The following CD226 variants were observed in gnomAD, a reference collection of about 807,000 sequenced individuals.
The protein encoded by CD226 is CD226 antigen.
Under a neutral mutation model 34.9 loss-of-function variants are expected in CD226, and 24 were observed. The observed-to-expected ratio is 0.69, with a 90% CI of 0.50 to 0.97. CD226 has a LOEUF of 0.97. Ranked by LOEUF, CD226 falls within the 50% of genes least tolerant of loss-of-function variation. The pLI, the probability that CD226 is intolerant of heterozygous loss-of-function variation, is 0.00. For missense variants in CD226, 397 were observed against 412.7 expected (o/e 0.96, Z 0.33); for synonymous variants, 148 against 147.4 (o/e 1.00, Z -0.03).
intron 4 of CD226, among the ~76,000 whole-genome samples, chr18:69,869,276 G>A (rs1983353405): frequency 6.6e-6 from 1 of 152,164 alleles, no homozygotes; most frequent in African/African-American, 2.4e-5. Flanking sequence ...ATGATAGACT[G>A]GATAAAGAAA....
At chr18:69,950,034 GCACA>G (rs1403428067), upstream of CD226, among the ~76,000 whole-genome samples, 27 of 151,106 alleles carry the variant, frequency 1.8e-4, no homozygotes, top group Non-Finnish European at 1.3e-4. Flanking sequence ...ACATGCAGGT[GCACA>G]CATACTCTCA....
upstream of CD226, among the ~76,000 whole-genome samples, chr18:69,948,454 T>C (rs2055818565): frequency 6.6e-6 from 1 of 152,162 alleles, no homozygotes; most frequent in Non-Finnish European, 1.5e-5. Context: ...CTGAAGACAA[T>C]TTTATCTAAT....
chr18:69,868,805 A>G (rs1415589585), intron 4 of CD226, among the ~76,000 whole-genome samples: 6 of 139,336 alleles, frequency 4.3e-5, no homozygotes, highest in African/African-American at 1.4e-4. Context: ...GCGTGCACGC[A>G]CACACACACA....
chr18:69,918,682 T>C (rs2055415312), intron 2 of CD226, among the ~76,000 whole-genome samples: 1 of 152,126 alleles, frequency 6.6e-6, no homozygotes, highest in Non-Finnish European at 1.5e-5. Context: ...ATGTTTACAA[T>C]GTAAAATGCA....
rs1982972816 is a variant in CD226 at position 69,863,967 on chromosome 18, C to G, written c.*347G>C. 1 of 170,490 alleles carries G rather than the reference C, an allele frequency of 5.9e-6. No individual in the cohort carries two copies. The highest frequency in any genetic ancestry group is 2.4e-5 in the African/African-American group (1 of 42,032). 10.6% of individuals were successfully genotyped at this position (170,490 alleles called of 1,614,324 possible). A position where few individuals can be genotyped will look rare whatever the true frequency, so the allele number is the denominator to read the frequency against. On this transcript the variant is annotated 3_prime_UTR_variant, in exon 6 of 6. Coordinates refer to ENST00000582621, the MANE Select transcript of CD226 (RefSeq NM_001303618.2). Reference sequence around the variant, plus strand: ...TGAGGCCAAGACCAGGGAAATGGATCCAACACTCTGGAAAGGGATTCAGAA... The same window carrying G: ...TGAGGCCAAGACCAGGGAAATGGATGCAACACTCTGGAAAGGGATTCAGAA...
chr18:69,932,113 A>T (rs958638229), intron 2 of CD226, among the ~76,000 whole-genome samples: 2 of 152,146 alleles, frequency 1.3e-5, no homozygotes, highest in African/African-American at 4.8e-5. Flanking sequence ...TCATTTCCAA[A>T]TAGTCACCTT....
rs556893378 is a variant in CD226 at position 69,896,493 on chromosome 18, T to G, written c.383-448A>C. On this transcript the variant is annotated intron_variant, in intron 2 of 5. Transcript: ENST00000582621. ...ACCGCACCCAGTTGTGAATGACACA[T>G]TCTTGTAAGAGAAAGGGTTTTTTTT... 7.9e-5 allele frequency among the ~76,000 whole-genome samples: 12 copies of G among 152,348 alleles called. No individual in the cohort carries two copies. In the South Asian group the frequency reaches 2.5e-3, roughly 32 times the overall value.
chr18:69,923,906 A>G (rs1007074077), intron 2 of CD226, among the ~76,000 whole-genome samples: 1 of 151,556 alleles, frequency 6.6e-6, no homozygotes, highest in Non-Finnish European at 1.5e-5. Context: ...GTGAGCCGAG[A>G]TCGCGCCACT....
At chr18:69,915,916 A>G (rs1181118233) in intron 2 of CD226, among the ~76,000 whole-genome samples, 1 of 152,206 alleles carries the variant, frequency 6.6e-6, no homozygotes, top group Non-Finnish European at 1.5e-5. Context: ...TCAGAATCAA[A>G]TCACAGGATG....
intron 2 of CD226, among the ~76,000 whole-genome samples, chr18:69,907,344 T>C (rs1416145916): frequency 6.6e-6 from 1 of 152,086 alleles, no homozygotes; most frequent in Non-Finnish European, 1.5e-5. Flanking sequence ...TCAGATGGAG[T>C]CCCACTCTGT....
intron 2 of CD226, among the ~76,000 whole-genome samples, chr18:69,902,605 C>G (rs1186147486): frequency 6.6e-6 from 1 of 151,438 alleles, no homozygotes; most frequent in Non-Finnish European, 1.5e-5. Flanking sequence ...GTCCACTGCC[C>G]TTCCCTGTCT....
chr18:69,905,063 T>C lies in CD226; in HGVS notation c.383-9018A>G, dbSNP rs567037839. ...CCAGCATTAAATGCATTACCTAAGC[T>C]AGTGCATTTAGTCCCCACAAATAAG... is the stretch of plus-strand genomic sequence containing the variant. On this transcript the variant is annotated intron_variant, in intron 2 of 5. Transcript: ENST00000582621. Among the ~76,000 whole-genome samples the C allele has an allele frequency of 3.9e-5, 6 of 152,322 alleles. No homozygotes were observed. The South Asian group carries it at 1.2e-3, about 32-fold the overall frequency.
intron 1 of CD226, among the ~76,000 whole-genome samples, chr18:69,953,747 C>G (rs2055873185): frequency 6.6e-6 from 1 of 152,114 alleles, no homozygotes; most frequent in Admixed American, 6.5e-5. Context: ...CACCTGTAAT[C>G]CCAGTACTTT....
At position 69,895,822 on chromosome 18, in the gene CD226, TC is replaced by T; in HGVS notation, c.605del (p.Gly202GlufsTer34). ...PRQIVSNCSHGRWSVIVIPDV... is the reference protein window; with the variant it reads ...PRQIVSNCSHXRWSVIVIPDV... ...CGGGGATGACGATGACGCTCCACCTTCCGTGGCTGCAGTTGCTCACTATTTG... is the reference window on the plus strand; with the variant it reads ...CGGGGATGACGATGACGCTCCACCTTCGTGGCTGCAGTTGCTCACTATTTG... On this transcript the variant is annotated frameshift_variant, in exon 3 of 6. Coordinates refer to ENST00000582621, the MANE Select transcript of CD226 (RefSeq NM_001303618.2). LOFTEE classifies it high-confidence loss of function. The T allele has an allele frequency of 6.2e-7, 1 of 1,614,146 alleles. No homozygotes were observed. Among genetic ancestry groups the T allele is most frequent in the South Asian group, 1.1e-5 (1 of 91,082 alleles).
chr18:69,858,364 G>A lies in CD226; in HGVS notation c.*5950C>T, dbSNP rs184543873. The A allele has an allele frequency of 7.2e-5, 11 of 152,332 alleles. No individual in the cohort carries two copies. Among genetic ancestry groups the A allele is most frequent in the African/African-American group, 2.6e-4 (11 of 41,560 alleles). 9.4% of individuals were successfully genotyped at this position (152,332 alleles called of 1,614,324 possible). ...GTTCTTCAACGAGCCTGGAGGGAAT[G>A]TCGCAGTGTGTTCTGTTTGGAAAGT... On this transcript the variant is annotated 3_prime_UTR_variant, in exon 6 of 6. Coordinates refer to ENST00000582621, the MANE Select transcript of CD226 (RefSeq NM_001303618.2).
intron 2 of CD226, among the ~76,000 whole-genome samples, chr18:69,915,578 G>C (rs960565871): frequency 6.6e-6 from 1 of 152,098 alleles, no homozygotes; most frequent in African/African-American, 2.4e-5. Flanking sequence ...TTTTAAATGC[G>C]GAAACTAATT....
At chr18:69,940,217 C>T (rs541826387) in intron 2 of CD226, among the ~76,000 whole-genome samples, 2 of 152,332 alleles carry the variant, frequency 1.3e-5, no homozygotes, top group African/African-American at 4.8e-5. Context: ...CCTCCCCACC[C>T]ATACTGAACT....
Position 69,861,288 on chromosome 18 carries a change from C to T in CD226, c.*3026G>A, listed in dbSNP as rs919756862. ...GTAAATGAAATTTCTATTTTATTTT[C>T]TCAACATATTATACCTAAAGTTCTT... On this transcript the variant is annotated 3_prime_UTR_variant, in exon 6 of 6. Transcript: ENST00000582621. 2.0e-5 allele frequency: 3 copies of T among 151,398 alleles called. No homozygotes were observed. The highest frequency in any genetic ancestry group is 4.4e-5 in the Non-Finnish European group (3 of 67,764). 9.4% of individuals were successfully genotyped at this position (151,398 alleles called of 1,614,324 possible).
At chr18:69,905,219 C>T in intron 2 of CD226, among the ~76,000 whole-genome samples, 1 of 152,164 alleles carries the variant, frequency 6.6e-6, no homozygotes, top group Non-Finnish European at 1.5e-5. Context: ...AGGGCAGGAT[C>T]TCAGAGGCAA....
Sources: allele counts gnomAD v4.1 joint callset (sites outside exome capture counted in the v4.1 genomes callset), GRCh38; gene constraint gnomAD v4.1.1; transcripts MANE v1.5; gene names NCBI Gene and HGNC (gene_info 2026-07-23, HGNC 2026-07-21).